DLG2: variants seen among roughly 807,000 people sequenced by gnomAD.
The protein encoded by DLG2 is disks large homolog 2.
DLG2 carries 45 observed loss-of-function variants against 132.5 expected under a neutral mutation model. The observed-to-expected ratio is 0.34, with a 90% CI of 0.27 to 0.44. DLG2 has a LOEUF of 0.44. Ranked by LOEUF, DLG2 falls within the 20% of genes least tolerant of loss-of-function variation. DLG2 has a pLI of 1.00. For missense variants in DLG2, 1,045 were observed against 1,196.9 expected, an observed-to-expected ratio of 0.87 and a Z score of 1.87; for synonymous variants, 424 against 419.6, an observed-to-expected ratio of 1.01 and a Z score of -0.13.
intron 7 of DLG2, among the ~76,000 whole-genome samples, chr11:84,502,354 CTTTCTTTCTTTCT>C: frequency 1.7e-5 from 1 of 59,438 alleles, no homozygotes; most frequent in East Asian, 3.4e-4. Flanking sequence ...TTCTTTCTTT[CTTTCTTTCTTTCT>C]TTCTTTCTTT....
At chr11:83,542,581 C>A (rs1358729660) in intron 19 of DLG2, among the ~76,000 whole-genome samples, 1 of 152,186 alleles carries the variant, frequency 6.6e-6, no homozygotes, top group African/African-American at 2.4e-5. Context: ...CTGTGAATTA[C>A]AATTGCTTTC....
chr11:84,624,980 C>A (rs1002885345), intron 6 of DLG2, among the ~76,000 whole-genome samples: 1 of 129,882 alleles, frequency 7.7e-6, no homozygotes, highest in Admixed American at 7.3e-5. Context: ...GCCTCAGCCT[C>A]CTCCCAAGTA....
chr11:84,604,011 G>GATC (rs977949941), intron 6 of DLG2, among the ~76,000 whole-genome samples: 1 of 151,770 alleles, frequency 6.6e-6, no homozygotes, highest in Non-Finnish European at 1.5e-5. Context: ...CTACACAAGG[G>GATC]ATCATCATCA....
intron 7 of DLG2, among the ~76,000 whole-genome samples, chr11:84,293,281 G>T (rs1403124026): frequency 6.6e-6 from 1 of 152,068 alleles, no homozygotes; most frequent in Non-Finnish European, 1.5e-5. Flanking sequence ...TCTGCAAGTA[G>T]ATTTAGTCAT....
intron 21 of DLG2, among the ~76,000 whole-genome samples, chr11:83,497,870 C>A (rs1030148207): frequency 6.6e-6 from 1 of 151,326 alleles, no homozygotes; most frequent in African/African-American, 2.4e-5. Context: ...ACTTTTTTCC[C>A]AATTAACCTT....
chr11:83,963,129 T>A, intron 13 of DLG2, 106 bp from the exon 14 acceptor site: 1 of 1,291,272 alleles, frequency 7.7e-7, no homozygotes. Flanking sequence ...CTTTGCTGCA[T>A]GCCAAGGTTT....
intron 3 of DLG2, among the ~76,000 whole-genome samples, chr11:85,485,663 C>A (rs1474284464): frequency 1.3e-5 from 2 of 152,172 alleles, no homozygotes; most frequent in African/African-American, 4.8e-5. Context: ...GAGAAACCCC[C>A]AGGGTTCTAC....
chr11:83,669,866 A>T (rs2076539674), intron 18 of DLG2, among the ~76,000 whole-genome samples: 1 of 152,272 alleles, frequency 6.6e-6, no homozygotes, highest in Non-Finnish European at 1.5e-5. Flanking sequence ...AACACTTGCA[A>T]TTATGCAGTT....
At chr11:84,600,184 G>GA (rs2099572966) in intron 6 of DLG2, among the ~76,000 whole-genome samples, 2 of 133,300 alleles carry the variant, frequency 1.5e-5, no homozygotes. Context: ...AAGAAAGAAA[G>GA]AAAGAAAGAA....
intron 7 of DLG2, among the ~76,000 whole-genome samples, chr11:84,454,553 GC>G (rs2099060368): frequency 6.6e-6 from 1 of 151,362 alleles, no homozygotes; most frequent in African/African-American, 2.4e-5. Context: ...TTTTATAATA[GC>G]TGTATTTTCA....
chr11:83,668,306 C>A (rs1236934068), intron 18 of DLG2, among the ~76,000 whole-genome samples: 1 of 152,128 alleles, frequency 6.6e-6, no homozygotes, highest in African/African-American at 2.4e-5. Context: ...TTCTTCCTCT[C>A]CAGGCTCATC....
intron 18 of DLG2, among the ~76,000 whole-genome samples, chr11:83,711,067 C>T (rs553941211): frequency 3.3e-5 from 5 of 152,232 alleles, no homozygotes; most frequent in Admixed American, 1.3e-4. Context: ...ATAACTAGAT[C>T]CTGACTATAA....
At chr11:83,521,233 G>A (rs2095472811) in intron 21 of DLG2, among the ~76,000 whole-genome samples, 1 of 152,134 alleles carries the variant, frequency 6.6e-6, no homozygotes, top group Non-Finnish European at 1.5e-5. Flanking sequence ...TTATCAAATG[G>A]GTAAGGTACA....
chr11:84,106,979 GGTGTGTGTGTGTGTGT>G (rs35530888), intron 9 of DLG2, among the ~76,000 whole-genome samples: 1 of 105,332 alleles, frequency 9.5e-6, no homozygotes, highest in African/African-American at 3.7e-5. Context: ...TTAGCCTTAG[GGTGTGTGTGTGTGTGT>G]GTGTGTGTGT....
chr11:83,612,473 A>G (rs946464287), intron 19 of DLG2, among the ~76,000 whole-genome samples: 1 of 152,342 alleles, frequency 6.6e-6, no homozygotes, highest in Admixed American at 6.5e-5. Flanking sequence ...CTGAGGCTTA[A>G]AAAGATAAGT....
At chr11:85,429,662 C>T (rs1208404352) in intron 3 of DLG2, among the ~76,000 whole-genome samples, 2 of 152,160 alleles carry the variant, frequency 1.3e-5, no homozygotes, top group African/African-American at 2.4e-5. Flanking sequence ...AATGAGATAC[C>T]ATCTCACGCC....
At chr11:83,705,961 G>C (rs894907492) in intron 18 of DLG2, among the ~76,000 whole-genome samples, 2 of 152,186 alleles carry the variant, frequency 1.3e-5, no homozygotes, top group African/African-American at 2.4e-5. Context: ...GCTCACGCCT[G>C]TAATCCCAGC....
chr11:85,302,285 A>C (rs938124276), intron 3 of DLG2, among the ~76,000 whole-genome samples: 3 of 122,408 alleles, frequency 2.5e-5, no homozygotes, highest in African/African-American at 6.2e-5. Context: ...TTCACTAATA[A>C]TACTACTACA....
chr11:84,474,491 C>T (rs1254562441), intron 7 of DLG2, among the ~76,000 whole-genome samples: 3 of 152,008 alleles, frequency 2.0e-5, no homozygotes, highest in Non-Finnish European at 4.4e-5. Context: ...TGTTTTCTGG[C>T]ACTTGCTTGA....
Sources: gnomAD v4.1 joint callset for allele counts (sites outside exome capture counted in the v4.1 genomes callset) on GRCh38, gnomAD v4.1.1 for gene constraint, MANE v1.5 for transcripts, NCBI Gene and HGNC (gene_info 2026-07-23, HGNC 2026-07-21) for gene names.